Variants in NFIB observed in about 807,000 individuals in gnomAD.
NFIB encodes the protein nuclear factor 1 B-type.
Under a neutral mutation model 61.5 loss-of-function variants are expected in NFIB, and 11 were observed. The observed-to-expected ratio is 0.18, with a 90% confidence interval of 0.11 to 0.30. The LOEUF (loss-of-function observed/expected upper bound fraction) is 0.30. Among genes scored for constraint, NFIB ranks in the 10% least tolerant of loss-of-function variants. NFIB has a pLI of 1.00. For missense variants in NFIB, 471 were observed against 608.9 expected (o/e 0.77, Z 2.38); for synonymous variants, 260 against 216.5 (o/e 1.20, Z -1.76).
chr9:14,229,871 G>A (rs1037626809), intron 2 of NFIB, among the ~76,000 whole-genome samples: 1 of 152,120 alleles, frequency 6.6e-6, no homozygotes, highest in Non-Finnish European at 1.5e-5. Context: ...GCGCGATCTC[G>A]GCTCACCACA....
intron 2 of NFIB, among the ~76,000 whole-genome samples, chr9:14,199,139 G>T (rs1345844868): frequency 6.6e-6 from 1 of 152,104 alleles, no homozygotes; most frequent in Non-Finnish European, 1.5e-5. Flanking sequence ...TTTCCAAGTC[G>T]AACACAGAAG....
At chr9:14,345,602 C>G (rs55938776) in intron 1 of NFIB, among the ~76,000 whole-genome samples, 6,745 of 152,166 alleles carry the variant, frequency 0.044, 224 homozygotes, top group African/African-American at 0.091. Flanking sequence ...AGCCGTGCTT[C>G]TGCGCTCCGA....
intron 2 of NFIB, among the ~76,000 whole-genome samples, chr9:14,289,280 T>C (rs2058937115): frequency 6.6e-6 from 1 of 150,506 alleles, no homozygotes; most frequent in African/African-American, 2.4e-5. Context: ...GTACATACAT[T>C]AATATATATA....
At chr9:14,492,724 C>G in the NFIB span, among the ~76,000 whole-genome samples, 1 of 152,166 alleles carries the variant, frequency 6.6e-6, no homozygotes, top group Non-Finnish European at 1.5e-5. Context: ...CCCCCCACCT[C>G]CATCATTGGG....
the NFIB span, among the ~76,000 whole-genome samples, chr9:14,530,183 T>G: frequency 1.3e-5 from 2 of 152,196 alleles, no homozygotes; most frequent in African/African-American, 4.8e-5. Context: ...GGGTAACTAT[T>G]AAAACATCAC....
At chr9:14,130,154 T>C (rs1406940660) in intron 6 of NFIB, among the ~76,000 whole-genome samples, 2 of 152,166 alleles carry the variant, frequency 1.3e-5, no homozygotes, top group Non-Finnish European at 2.9e-5. Flanking sequence ...CAGGCCTTCC[T>C]CTCCATGGCA....
chr9:14,520,926 C>G, the NFIB span, among the ~76,000 whole-genome samples: 2 of 152,160 alleles, frequency 1.3e-5, no homozygotes, highest in Non-Finnish European at 2.9e-5. Context: ...AAAAAGTAGT[C>G]AGGACTCAGA....
At chr9:14,349,883 G>C (rs2061084180) in intron 1 of NFIB, among the ~76,000 whole-genome samples, 1 of 152,196 alleles carries the variant, frequency 6.6e-6, no homozygotes, top group Non-Finnish European at 1.5e-5. Flanking sequence ...AAGTCATCCT[G>C]TCAATATTGG....
At chr9:14,509,820 G>T in the NFIB span, among the ~76,000 whole-genome samples, 1 of 152,202 alleles carries the variant, frequency 6.6e-6, no homozygotes, top group Non-Finnish European at 1.5e-5. Context: ...AGCAGGTGTG[G>T]TAAGTTCTTG....
At chr9:14,459,902 AC>A in the NFIB span, among the ~76,000 whole-genome samples, 1 of 151,454 alleles carries the variant, frequency 6.6e-6, no homozygotes, top group Non-Finnish European at 1.5e-5. Context: ...AAATAGGAAC[AC>A]TTTTACACTG....
the NFIB span, among the ~76,000 whole-genome samples, chr9:14,425,058 A>T: frequency 2.6e-5 from 4 of 152,294 alleles, no homozygotes; most frequent in Non-Finnish European, 5.9e-5. Context: ...ATTCCTACAG[A>T]AGGCCTTGGG....
At chr9:14,375,380 A>G (rs2061405924) in intron 1 of NFIB, among the ~76,000 whole-genome samples, 1 of 152,202 alleles carries the variant, frequency 6.6e-6, no homozygotes, top group Admixed American at 6.5e-5. Context: ...GGACAGGGCC[A>G]GGTGCAGTGG....
intron 1 of NFIB, among the ~76,000 whole-genome samples, chr9:14,370,866 G>A (rs185070798): frequency 1.6e-4 from 24 of 152,288 alleles, no homozygotes; most frequent in East Asian, 7.7e-4. Flanking sequence ...AGGCCGAGGC[G>A]GGTGGATCAC....
At chr9:14,463,392 T>G in the NFIB span, among the ~76,000 whole-genome samples, 4 of 151,810 alleles carry the variant, frequency 2.6e-5, no homozygotes, top group Non-Finnish European at 4.4e-5. Flanking sequence ...TATAAATTAA[T>G]TTCTAAAGCC....
chr9:14,286,511 G>C (rs1248348640), intron 2 of NFIB, among the ~76,000 whole-genome samples: 1 of 152,170 alleles, frequency 6.6e-6, no homozygotes, highest in Non-Finnish European at 1.5e-5. Context: ...CCATTCTCAT[G>C]ATCTCACTAT....
intron 1 of NFIB, among the ~76,000 whole-genome samples, chr9:14,352,622 G>A (rs1166892804): frequency 6.6e-6 from 1 of 152,200 alleles, no homozygotes; most frequent in African/African-American, 2.4e-5. Context: ...TCCATGCTCT[G>A]TCACCCGGGC....
chr9:14,194,190 AG>A (rs2048245776), intron 2 of NFIB, among the ~76,000 whole-genome samples: 1 of 152,228 alleles, frequency 6.6e-6, no homozygotes. Context: ...TACTGAAAAA[AG>A]AAAATGGGTT....
chr9:14,484,324 C>A, the NFIB span, among the ~76,000 whole-genome samples: 3 of 152,134 alleles, frequency 2.0e-5, no homozygotes, highest in Non-Finnish European at 4.4e-5. Context: ...AATGTTATAA[C>A]TGAATAGATT....
At chr9:14,475,284 A>C in the NFIB span, among the ~76,000 whole-genome samples, 1 of 152,190 alleles carries the variant, frequency 6.6e-6, no homozygotes, top group Non-Finnish European at 1.5e-5. Context: ...GCACCTGGGG[A>C]GCATGGCTCC....
Sources: gnomAD v4.1 joint callset for allele counts (sites outside exome capture counted in the v4.1 genomes callset) on GRCh38, gnomAD v4.1.1 for gene constraint, MANE v1.5 for transcripts, NCBI Gene and HGNC (gene_info 2026-07-23, HGNC 2026-07-21) for gene names.